Variants in NR3C2 observed in about 807,000 individuals in gnomAD.
NR3C2 encodes nuclear receptor subfamily 3 group C member 2, also known as mineralocorticoid receptor.
NR3C2 carries 15 observed loss-of-function variants against 86.4 expected under a neutral mutation model. The observed-to-expected ratio is 0.17, with a 90% CI of 0.12 to 0.27. NR3C2 has a LOEUF of 0.27. Ranked by LOEUF, NR3C2 falls within the 10% of genes least tolerant of loss-of-function variation. The probability of loss-of-function intolerance (pLI) is 1.00; values close to 1 mark genes in which losing one functional copy is unlikely to be tolerated. For missense variants in NR3C2, 960 were observed against 1,195.6 expected, an observed-to-expected ratio of 0.80 and a Z score of 2.91; for synonymous variants, 458 against 450.5, an observed-to-expected ratio of 1.02 and a Z score of -0.21.
intron 3 of NR3C2, among the ~76,000 whole-genome samples, chr4:148,248,315 T>G (rs1326766516): frequency 6.6e-6 from 1 of 152,228 alleles, no homozygotes; most frequent in Admixed American, 6.5e-5. Context: ...ACTTATGTAA[T>G]CTTAGCAATA....
At chr4:148,359,528 T>C (rs1315690801) in intron 2 of NR3C2, among the ~76,000 whole-genome samples, 2 of 152,128 alleles carry the variant, frequency 1.3e-5, no homozygotes, top group Non-Finnish European at 2.9e-5. Context: ...AACAAATGAA[T>C]ATCAATAAAT....
At chr4:148,130,649 G>C (rs1166852763) in intron 6 of NR3C2, among the ~76,000 whole-genome samples, 1 of 152,064 alleles carries the variant, frequency 6.6e-6, no homozygotes, top group Non-Finnish European at 1.5e-5. Flanking sequence ...CAATAAACAG[G>C]AACAGGTAAA....
At chr4:148,358,791 A>T (rs1745696080) in intron 2 of NR3C2, among the ~76,000 whole-genome samples, 1 of 152,208 alleles carries the variant, frequency 6.6e-6, no homozygotes, top group Non-Finnish European at 1.5e-5. Flanking sequence ...CTTATAATTA[A>T]TCCATTAGAG....
At chr4:148,396,912 T>G (rs1463244108) in intron 2 of NR3C2, among the ~76,000 whole-genome samples, 2 of 152,192 alleles carry the variant, frequency 1.3e-5, no homozygotes, top group Non-Finnish European at 2.9e-5. Context: ...ACTAAATTTA[T>G]AGAAGTTGAT....
chr4:148,319,466 G>A (rs1475918336), intron 2 of NR3C2, among the ~76,000 whole-genome samples: 4 of 151,600 alleles, frequency 2.6e-5, no homozygotes, highest in Admixed American at 1.3e-4. Flanking sequence ...ATTACCTTGG[G>A]CAGTATGGCC....
chr4:148,237,149 T>C (rs978679525), intron 3 of NR3C2, among the ~76,000 whole-genome samples: 4 of 152,248 alleles, frequency 2.6e-5, no homozygotes, highest in African/African-American at 9.6e-5. Flanking sequence ...ATGAGAATTA[T>C]GACAATCACC....
intron 2 of NR3C2, among the ~76,000 whole-genome samples, chr4:148,338,670 G>GT (rs1744606937): frequency 6.6e-6 from 1 of 152,152 alleles, no homozygotes; most frequent in Non-Finnish European, 1.5e-5. Context: ...AGGGAATGGG[G>GT]TGAATGCAGT....
rs909439643 is a variant in NR3C2 at position 148,224,801 on chromosome 4, G to T, written c.1898-29939C>A. Among the ~76,000 whole-genome samples, 9 of 152,126 alleles carry T rather than the reference G, an allele frequency of 5.9e-5. 1 individual carries two copies. The highest frequency in any genetic ancestry group is 1.7e-4 in the African/African-American group (7 of 41,444). On this transcript the variant is annotated intron_variant, in intron 3 of 8. Transcript: ENST00000358102. ...ATCTAACTTACAGGATTGTTATAAGGAGTAGAAGAAACATTACATCTGATA... is the reference window on the plus strand; with the variant it reads ...ATCTAACTTACAGGATTGTTATAAGTAGTAGAAGAAACATTACATCTGATA...
At chr4:148,290,667 G>A (rs1741755007) in intron 2 of NR3C2, among the ~76,000 whole-genome samples, 1 of 152,180 alleles carries the variant, frequency 6.6e-6, no homozygotes, top group Non-Finnish European at 1.5e-5. Context: ...ATATATACCT[G>A]AAATGGTCAA....
chr4:148,209,160 C>G (rs1004622297), intron 3 of NR3C2, among the ~76,000 whole-genome samples: 1 of 150,860 alleles, frequency 6.6e-6, no homozygotes, highest in Non-Finnish European at 1.5e-5. Flanking sequence ...AGGAGAATGG[C>G]GTGAACCCAG....
chr4:148,133,958 C>G (rs1360714743), intron 6 of NR3C2, among the ~76,000 whole-genome samples: 4 of 152,168 alleles, frequency 2.6e-5, no homozygotes, highest in Admixed American at 1.3e-4. Flanking sequence ...AAGAAGAAAA[C>G]AGCTAAAGCT....
At chr4:148,296,662 C>T (rs61760330) in intron 2 of NR3C2, among the ~76,000 whole-genome samples, 1 of 151,228 alleles carries the variant, frequency 6.6e-6, no homozygotes, top group Admixed American at 6.6e-5. Flanking sequence ...GACAGGGGAA[C>T]TGAATCAGCT....
chr4:148,302,042 T>G (rs1256287825), intron 2 of NR3C2, among the ~76,000 whole-genome samples: 1 of 152,246 alleles, frequency 6.6e-6, no homozygotes. Flanking sequence ...CCAGATTTCT[T>G]TGTCAATTTC....
intron 2 of NR3C2, among the ~76,000 whole-genome samples, chr4:148,431,555 C>T (rs1749802264): frequency 6.6e-6 from 1 of 152,106 alleles, no homozygotes; most frequent in Non-Finnish European, 1.5e-5. Context: ...AAGGGCTTTA[C>T]ATTTAGCTTT....
At chr4:148,386,673 C>T (rs974933855) in intron 2 of NR3C2, among the ~76,000 whole-genome samples, 4 of 152,274 alleles carry the variant, frequency 2.6e-5, no homozygotes, top group South Asian at 2.1e-4. Context: ...GGTCAGGCCC[C>T]GCGGTCGCCT....
At chr4:148,099,023 CTT>C (rs1007550847) in intron 8 of NR3C2, among the ~76,000 whole-genome samples, 4 of 152,130 alleles carry the variant, frequency 2.6e-5, no homozygotes, top group Non-Finnish European at 5.9e-5. Context: ...TCCACCCAAA[CTT>C]TTTGTCTTTC....
intron 2 of NR3C2, among the ~76,000 whole-genome samples, chr4:148,284,947 A>G (rs1423641392): frequency 2.0e-5 from 3 of 152,244 alleles, no homozygotes; most frequent in Non-Finnish European, 2.9e-5. Flanking sequence ...AAAGCTAACT[A>G]TAACTCCCCT....
intron 2 of NR3C2, among the ~76,000 whole-genome samples, chr4:148,352,238 T>C (rs1745318038): frequency 6.6e-6 from 1 of 152,234 alleles, no homozygotes; most frequent in Admixed American, 6.5e-5. Flanking sequence ...GAAAGTCATC[T>C]TGAGAAAGGG....
Position 148,435,296 on chromosome 4 carries a change from G to A in NR3C2, c.1565C>T (p.Ser522Phe), listed in dbSNP as rs757378437. The change falls in exon 2 of 9, where the codon TCC becomes TTC. Residue 522 changes from serine to phenylalanine, a missense_variant. Ser to Phe is a radical substitution (Grantham distance 155). Coordinates refer to ENST00000358102, the MANE Select transcript of NR3C2 (RefSeq NM_000901.5). ...AIVGVNSGGQ[S>F]FHYRIGAQGT... is the part of the protein sequence containing the mutation. ...TTGAGCACCAATCCTGTAGTGGAAG[G>A]ACTGTCCACCTGAATTCACCCCAAC... The A allele has an allele frequency of 5.0e-6, 8 of 1,614,174 alleles. No individual in the cohort carries two copies. The highest frequency in any genetic ancestry group is 1.1e-5 in the South Asian group (1 of 91,082).
Sources: allele counts gnomAD v4.1 joint callset (sites outside exome capture counted in the v4.1 genomes callset), GRCh38; gene constraint gnomAD v4.1.1; transcripts MANE v1.5; gene names NCBI Gene and HGNC (gene_info 2026-07-23, HGNC 2026-07-21).